The following LTK variants were observed in gnomAD, a reference collection of about 807,000 sequenced individuals.
LTK encodes leukocyte tyrosine kinase receptor.
Under a neutral mutation model 101.5 loss-of-function variants are expected in LTK, and 117 were observed. The observed-to-expected ratio is 1.15, with a 90% CI of 0.99 to 1.34. The LOEUF (loss-of-function observed/expected upper bound fraction) is 1.34. LTK is among the 40% of genes most tolerant of loss of function. The pLI is 0.00. For synonymous variants in LTK, 563 were observed against 494.2 expected (o/e 1.14, Z -1.85); for missense variants, 1,252 against 1,164.7 (o/e 1.07, Z -1.09).
chr15:41,505,139 T>C, intron 15 of LTK, 69 bp downstream of exon 15: 1 of 1,584,464 alleles, frequency 6.3e-7, no homozygotes, highest in Non-Finnish European at 8.6e-7. Context: ...CCTTAAAAGC[T>C]GTGTGGAAGG....
At position 41,513,329 on chromosome 15, in the gene LTK, G is replaced by C. The variant is rs143875312; in HGVS notation, c.44-209C>G. Among the ~76,000 whole-genome samples, 348 of 152,296 alleles carry C rather than the reference G, an allele frequency of 2.3e-3. 1 individual carries two copies. The highest frequency in any genetic ancestry group is 7.8e-3 in the African/African-American group (325 of 41,562). ...GATAGGTCTGCCAGTTTCTCTCCTCGAGCGCCTTTCCCAGTGAATAACTTA... is the reference window on the plus strand; with the variant it reads ...GATAGGTCTGCCAGTTTCTCTCCTCCAGCGCCTTTCCCAGTGAATAACTTA... On this transcript the variant is annotated intron_variant, in intron 1 of 19. Coordinates refer to ENST00000263800, the MANE Select transcript of LTK (RefSeq NM_002344.6).
chr15:41,503,786 TG>T lies in LTK; in HGVS notation c.*209del, dbSNP rs1184061603. Reference sequence around the variant, plus strand: ...GGCCTCTGGCCCCAAGATCAAAAGCTGGAAGTGGCTGGGCCCTTCCCTGGGA... The same window carrying T: ...GGCCTCTGGCCCCAAGATCAAAAGCTGAAGTGGCTGGGCCCTTCCCTGGGA... On this transcript the variant is annotated 3_prime_UTR_variant, in exon 20 of 20. Transcript: ENST00000263800. 1 of 634,520 alleles carries T rather than the reference TG, an allele frequency of 1.6e-6. No individual in the cohort carries two copies. The highest frequency in any genetic ancestry group is 2.8e-5 in the East Asian group (1 of 35,828). 39.3% of individuals were successfully genotyped at this position (634,520 alleles called of 1,614,324 possible). A position where few individuals can be genotyped will look rare whatever the true frequency, so the allele number is the denominator to read the frequency against.
Position 41,505,757 on chromosome 15 carries a change from C to A in LTK, c.1653G>T (p.Ser551=). The change falls in exon 13 of 20, where the codon TCG becomes TCT. Residue 551 remains serine (S), a synonymous_variant. Transcript: ENST00000263800. The stretch of plus-strand genomic sequence containing the variant: ...TGAGGAAATCCAGCTCATCCTGAGG[C>A]GAGCAGAGTTCTGGCAGGGTCTGGG... ...VAIKTLPELC[S]PQDELDFLME... is the part of the protein sequence containing the mutation. The A allele has an allele frequency of 6.2e-7, 1 of 1,613,878 alleles. No individual in the cohort carries two copies. Among genetic ancestry groups the A allele is most frequent in the Non-Finnish European group, 8.5e-7 (1 of 1,179,930 alleles).
In LTK at chr15:41,505,818, G is replaced by A. The variant is rs369643965; in HGVS notation, c.1633-41C>T. 131 of 1,607,056 alleles carry A rather than the reference G, an allele frequency of 8.2e-5. 1 individual carries two copies. The highest frequency in any genetic ancestry group is 4.1e-4 in the South Asian group (37 of 90,646). On this transcript the variant is annotated intron_variant, in intron 12 of 19. Coordinates refer to ENST00000263800, the MANE Select transcript of LTK (RefSeq NM_002344.6). The stretch of plus-strand genomic sequence containing the variant: ...GCACAGTTTCTGAGCTGCCCTGCAC[G>A]CTTCAGGAGAGGGGGTTAACCCTAG...
chr15:41,511,377 C>T lies in LTK; in HGVS notation c.815-31G>A, dbSNP rs1595468760. ...GAGCGACAGCAGGAAGGTTGGCAGC[C>T]ACACGGGGAGCACGCCCGCCTCTCC... On this transcript the variant is annotated intron_variant, in intron 6 of 19. Transcript: ENST00000263800. This position sits in a 1 kb window ranked among gnomAD's most constrained non-coding sequence, Gnocchi z 5.9. The T allele has an allele frequency of 1.5e-6, 2 of 1,365,956 alleles. No homozygotes were observed. The highest frequency in any genetic ancestry group is 3.1e-5 in the East Asian group (1 of 32,406). The allele number at this position is 1,365,956 out of a possible 1,614,324, so 84.6% of individuals were successfully genotyped here. A position where few individuals can be genotyped will look rare whatever the true frequency, so the allele number is the denominator to read the frequency against.
chr15:41,504,398 G>T lies in LTK; in HGVS notation c.2290C>A (p.Pro764Thr), dbSNP rs376706397. Residue 764 changes from proline to threonine, a missense_variant, in exon 19 of 20, where the codon CCT becomes ACT. Transcript: ENST00000263800. ...CTGGCAAAGCTAGGGCGGAGCTCAG[G>T]CTCGTGCTGCCAACACTGGGTCATG... ...RIMTQCWQHE[P>T]ELRPSFASIL... The T allele has an allele frequency of 1.2e-6, 2 of 1,614,048 alleles. No homozygotes were observed. The highest frequency in any genetic ancestry group is 1.7e-6 in the Non-Finnish European group (2 of 1,180,022).
At chr15:41,510,850 C>T (rs2051433987) in intron 7 of LTK, among the ~76,000 whole-genome samples, 1 of 152,202 alleles carries the variant, frequency 6.6e-6, no homozygotes, top group African/African-American at 2.4e-5. Flanking sequence ...CCCAATCCTG[C>T]CTTTCTGCCC....
chr15:41,505,013 C>T lies in LTK; in HGVS notation c.1977G>A (p.Val659=). ...CLLSCAGPSR[V]AKIGDFGMAR... is the part of the protein sequence containing the mutation. ...CCATCCCAAAGTCCCCAATCTTGGC[C>T]ACTCGGCTGGGTCCAGCGCAGCTCA... is the stretch of plus-strand genomic sequence containing the variant. Residue 659 remains valine, a synonymous_variant, in exon 16 of 20, where the codon GTG becomes GTA. Coordinates refer to ENST00000263800, the MANE Select transcript of LTK (RefSeq NM_002344.6). 6.2e-7 allele frequency: 1 copy of T among 1,613,504 alleles called. No homozygotes were observed. Among genetic ancestry groups the T allele is most frequent in the African/African-American group, 1.3e-5 (1 of 75,036 alleles).
chr15:41,509,838 C>A (rs2051397615), intron 7 of LTK, among the ~76,000 whole-genome samples: 1 of 151,720 alleles, frequency 6.6e-6, no homozygotes, highest in African/African-American at 2.4e-5. Flanking sequence ...CCAGCCTGGG[C>A]AACAGAGCCA....
chr15:41,505,033 A>G lies in LTK; in HGVS notation c.1957T>C (p.Cys653Arg), dbSNP rs767797267. Residue 653 changes from cysteine (C) to arginine (R), a missense_variant, in exon 16 of 20, where the codon TGC becomes CGC. Transcript: ENST00000263800. Reference protein sequence around the residue: ...DIAARNCLLSCAGPSRVAKIG... With the variant: ...DIAARNCLLSRAGPSRVAKIG... ...TTGGCCACTCGGCTGGGTCCAGCGC[A>G]GCTCAGCAGGCAGTTCCGGGCGGCA... 1.9e-6 allele frequency: 3 copies of G among 1,613,534 alleles called. No individual in the cohort carries two copies. Among genetic ancestry groups the G allele is most frequent in the African/African-American group, 1.3e-5 (1 of 75,024 alleles).
chr15:41,511,083 G>A lies in LTK; in HGVS notation c.997+81C>T, dbSNP rs1177660087. ...ATGCCTCTCCCACACCTATCCTCCCGAGGGCTCCGGCCTGTACTTAGGTTC... is the reference window on the plus strand; with the variant it reads ...ATGCCTCTCCCACACCTATCCTCCCAAGGGCTCCGGCCTGTACTTAGGTTC... On this transcript the variant is annotated intron_variant, in intron 7 of 19. Transcript: ENST00000263800. The surrounding 1 kb of genome is among the most constrained non-coding windows in gnomAD (Gnocchi z 5.9). 23 of 1,290,858 alleles carry A rather than the reference G, an allele frequency of 1.8e-5. No individual in the cohort carries two copies. The highest frequency in any genetic ancestry group is 2.2e-5 in the Non-Finnish European group (22 of 1,017,144). 80.0% of individuals were successfully genotyped at this position (1,290,858 alleles called of 1,614,324 possible).
chr15:41,507,279 T>A lies in LTK; in HGVS notation c.1357A>T (p.Lys453Ter). 1.3e-6 allele frequency: 2 copies of A among 1,595,270 alleles called. No homozygotes were observed. The highest frequency in any genetic ancestry group is 1.1e-5 in the South Asian group (1 of 89,488). Residue 453 changes from lysine to a stop codon, truncating the protein, a stop_gained, in exon 11 of 20, where the codon AAG becomes TAG. Coordinates refer to ENST00000263800, the MANE Select transcript of LTK (RefSeq NM_002344.6). LOFTEE classifies it high-confidence loss of function. ...CGVLILVKQK[K>*]WQGLQEMRLP... ...CTCATCTCCTGCAGGCCCTGCCACTTCTTCTGCTTCACTGGGGGTGGGAAG... is the reference window on the plus strand; with the variant it reads ...CTCATCTCCTGCAGGCCCTGCCACTACTTCTGCTTCACTGGGGGTGGGAAG...
chr15:41,512,662 C>T lies in LTK; in HGVS notation c.359+45G>A, dbSNP rs756724858. 1.0e-5 allele frequency: 15 copies of T among 1,495,238 alleles called. No individual in the cohort carries two copies. The East Asian group carries it at 3.3e-4, about 33-fold the overall frequency. The allele number at this position is 1,495,238 out of a possible 1,614,324, so 92.6% of individuals were successfully genotyped here. ...CTTCGTTACCCTGAGGGTGAAACCT[C>T]CAACTAGCAGGTCACTGTCCACCCT... is the stretch of plus-strand genomic sequence containing the variant. On this transcript the variant is annotated intron_variant, in intron 3 of 19. Transcript: ENST00000263800.
intron 11 of LTK, 109 bp downstream of exon 11, chr15:41,506,986 G>C: frequency 9.4e-7 from 1 of 1,069,290 alleles, no homozygotes; most frequent in Non-Finnish European, 1.4e-6. Context: ...CCTTACACAA[G>C]GGATGTGGGC....
rs767235127 is a variant in LTK, at chr15:41,503,976, C to T, written c.*20G>A. 5.1e-6 allele frequency: 8 copies of T among 1,575,532 alleles called. No individual in the cohort carries two copies. Among genetic ancestry groups the T allele is most frequent in the South Asian group, 2.3e-5 (2 of 85,550 alleles). ...GGGACCCTCAGTGCCTCAGTCCTTA[C>T]CCTCAGGGCCCCTTGGGGCTCAGGA... is the stretch of plus-strand genomic sequence containing the variant. On this transcript the variant is annotated 3_prime_UTR_variant, in exon 20 of 20. Coordinates refer to ENST00000263800, the MANE Select transcript of LTK (RefSeq NM_002344.6).
chr15:41,505,734 A>C lies in LTK; in HGVS notation c.1676T>G (p.Leu559Arg). The stretch of plus-strand genomic sequence containing the variant: ...GCACCTGATGATGAGGGCCTCCATG[A>C]GGAAATCCAGCTCATCCTGAGGCGA... Reference protein sequence around the residue: ...LCSPQDELDFLMEALIISKFR... With the variant: ...LCSPQDELDFRMEALIISKFR... The change falls in exon 13 of 20, where the codon CTC (leucine) becomes CGC (arginine). Residue 559 changes from leucine to arginine, a missense_variant. Coordinates refer to ENST00000263800, the MANE Select transcript of LTK (RefSeq NM_002344.6). 3.1e-6 allele frequency: 5 copies of C among 1,613,854 alleles called. No homozygotes were observed. The highest frequency in any genetic ancestry group is 4.2e-6 in the Non-Finnish European group (5 of 1,179,950).
At position 41,504,039 on chromosome 15, in the gene LTK, C is replaced by G. The variant is rs951621589; in HGVS notation, c.2552G>C (p.Gly851Ala). The G allele has an allele frequency of 6.2e-7, 1 of 1,612,734 alleles. No homozygotes were observed. The highest frequency in any genetic ancestry group is 1.3e-5 in the African/African-American group (1 of 74,860). Residue 851 changes from glycine (G) to alanine (A), a missense_variant, in exon 20 of 20, where the codon GGC (glycine) becomes GCC (alanine). Gly to Ala is a moderately conservative substitution (Grantham distance 60). Transcript: ENST00000263800. ...ATTCCAAAGGTTCTGAGGTTGGAGG[C>G]CCCTGGATTTGAGGGGCTTGAGGCC... ...SSGLKPLKSR[G>A]LQPQNLWNPT...
rs1192084317 is a variant in LTK, at chr15:41,511,247, G to A, written c.914C>T (p.Ala305Val). 5 of 1,423,116 alleles carry A rather than the reference G, an allele frequency of 3.5e-6. No individual in the cohort carries two copies. In the East Asian group the frequency reaches 9.3e-5, roughly 26 times the overall value. 88.2% of individuals were successfully genotyped at this position (1,423,116 alleles called of 1,614,324 possible). A position where few individuals can be genotyped will look rare whatever the true frequency, so the allele number is the denominator to read the frequency against. The change falls in exon 7 of 20, where the codon GCG (alanine) becomes GTG (valine). Residue 305 changes from alanine (A) to valine (V), a missense_variant. Transcript: ENST00000263800. The surrounding 1 kb of genome is among the most constrained non-coding windows in gnomAD (Gnocchi z 5.9). The part of the protein sequence containing the change: ...EGGQGCSEAW[A>V]TLGWAAAGGF... Reference sequence around the variant, plus strand: ...GCCGGCCGCGGCCCAGCCAAGGGTCGCCCAAGCCTCGGAGCAGCCCTGGCC... The same window carrying A: ...GCCGGCCGCGGCCCAGCCAAGGGTCACCCAAGCCTCGGAGCAGCCCTGGCC...
Position 41,512,115 on chromosome 15 carries a change from T to G in LTK, c.510A>C (p.Gly170=), listed in dbSNP as rs1340818601. 6.2e-7 allele frequency: 1 copy of G among 1,600,506 alleles called. No homozygotes were observed. Among genetic ancestry groups the G allele is most frequent in the East Asian group, 2.3e-5 (1 of 44,216 alleles). The change falls in exon 4 of 20, where the codon GGA becomes GGC. Residue 170 remains glycine (G), a splice_region_variant and synonymous_variant. Coordinates refer to ENST00000263800, the MANE Select transcript of LTK (RefSeq NM_002344.6). Reference sequence around the variant, plus strand: ...CCCCATCCCCACTGGCTGCGCTCACTCCGGGACAGGCGTCCTCTCCCTGCT... The same window carrying G: ...CCCCATCCCCACTGGCTGCGCTCACGCCGGGACAGGCGTCCTCTCCCTGCT... ...VGQQGEDACP[G]GSPESQLVCL...
Sources: allele counts gnomAD v4.1 joint callset (sites outside exome capture counted in the v4.1 genomes callset), GRCh38; gene constraint gnomAD v4.1.1; non-coding constraint Gnocchi (gnomAD v3.1); transcripts MANE v1.5; gene names NCBI Gene and HGNC (gene_info 2026-07-23, HGNC 2026-07-21).